MARCHF8: variants seen among roughly 807,000 people sequenced by gnomAD.
The protein encoded by MARCHF8 is E3 ubiquitin-protein ligase MARCHF8.
MARCHF8 carries 40 observed loss-of-function variants against 51.6 expected under a neutral mutation model. The observed-to-expected ratio is 0.77, with a 90% CI of 0.60 to 1.01. The LOEUF is 1.01. Ranked by LOEUF, MARCHF8 falls within the 50% of genes least tolerant of loss-of-function variation. The probability of loss-of-function intolerance (pLI) is 0.00; values close to 1 mark genes in which losing one functional copy is unlikely to be tolerated. For synonymous variants in MARCHF8, 263 were observed against 280.3 expected, an observed-to-expected ratio of 0.94 and a Z score of 0.62; for missense variants, 685 against 708.6, an observed-to-expected ratio of 0.97 and a Z score of 0.38.
intron 1 of MARCHF8, among the ~76,000 whole-genome samples, chr10:45,542,466 T>A (rs192750913): frequency 5.0e-4 from 75 of 151,512 alleles, no homozygotes; most frequent in Middle Eastern, 6.8e-3. Context: ...ATATTATATA[T>A]ACTTCAATGC....
intron 1 of MARCHF8, among the ~76,000 whole-genome samples, chr10:45,572,507 C>T (rs956456351): frequency 9.9e-5 from 15 of 152,206 alleles, no homozygotes; most frequent in East Asian, 1.9e-4. Flanking sequence ...AACTCGATAA[C>T]GGCTCTAAAT....
Position 45,463,211 on chromosome 10 carries a change from G to A in MARCHF8, c.1028C>T (p.Ser343Phe), listed in dbSNP as rs1304938097. The A allele has an allele frequency of 1.9e-6, 3 of 1,550,746 alleles. No homozygotes were observed. The highest frequency in any genetic ancestry group is 3.9e-5 in the Admixed American group (2 of 51,006). ...TEKDSDLDCP[S>F]PFSEKLPPIS... The stretch of plus-strand genomic sequence containing the variant: ...GGGGGGTAATTTTTCAGAGAAGGGA[G>A]AAGGACAATCCAGGTCGCTGTCCTT... The change falls in exon 5 of 8, where the codon TCT becomes TTT. Residue 343 changes from serine (S) to phenylalanine (F), a missense_variant. Coordinates refer to ENST00000453424, the MANE Select transcript of MARCHF8 (RefSeq NM_001282866.2).
chr10:45,536,364 G>A (rs896750867), upstream of MARCHF8, among the ~76,000 whole-genome samples: 2 of 151,742 alleles, frequency 1.3e-5, no homozygotes, highest in African/African-American at 4.8e-5. Flanking sequence ...AAAGAAATTT[G>A]GATCTCTTCC....
chr10:45,524,523 T>C (rs764155991), intron 2 of MARCHF8, among the ~76,000 whole-genome samples: 17 of 152,200 alleles, frequency 1.1e-4, no homozygotes, highest in Non-Finnish European at 1.8e-4. Flanking sequence ...GCCACGCAAA[T>C]GATCTCACAG....
upstream of MARCHF8, among the ~76,000 whole-genome samples, chr10:45,535,715 A>C (rs1589159135): frequency 6.6e-6 from 1 of 152,220 alleles, no homozygotes; most frequent in African/African-American, 2.4e-5. Context: ...CATATATTAC[A>C]TTATTTTCTT....
rs751755548 is a variant in MARCHF8 at position 45,461,354 on chromosome 10, T to G, written c.1146A>C (p.Thr382=). The change falls in exon 6 of 8, where the codon ACA becomes ACC. Residue 382 remains threonine (T), a synonymous_variant. Transcript: ENST00000453424. ...ESPLITPCHC[T]GSLHFVHQAC... ...CCTGGTGCACGAAGTGGAGGCTTCC[T>G]GTGCAGTGGCAGGGGGTGATCAGGG... 6.2e-7 allele frequency: 1 copy of G among 1,606,648 alleles called. No individual in the cohort carries two copies. Among genetic ancestry groups the G allele is most frequent in the Non-Finnish European group, 8.5e-7 (1 of 1,176,962 alleles).
intron 1 of MARCHF8, among the ~76,000 whole-genome samples, chr10:45,582,185 C>T (rs1422717487): frequency 6.6e-6 from 1 of 152,128 alleles, no homozygotes; most frequent in Non-Finnish European, 1.5e-5. Flanking sequence ...TGCCTATCTA[C>T]CTTGACCTCT....
intron 1 of MARCHF8, among the ~76,000 whole-genome samples, chr10:45,592,712 G>T (rs1312726059): frequency 6.6e-6 from 1 of 152,102 alleles, no homozygotes; most frequent in Non-Finnish European, 1.5e-5. Flanking sequence ...GGGTTTCTTG[G>T]CTGCTTGAAT....
intron 2 of MARCHF8, among the ~76,000 whole-genome samples, chr10:45,495,644 C>T (rs905570302): frequency 3.3e-5 from 5 of 151,806 alleles, no homozygotes; most frequent in African/African-American, 4.8e-5. Flanking sequence ...TACCATAATT[C>T]CCCTGTCTAG....
At chr10:45,518,927 G>T (rs1024235238) in intron 2 of MARCHF8, among the ~76,000 whole-genome samples, 5 of 152,108 alleles carry the variant, frequency 3.3e-5, no homozygotes, top group Non-Finnish European at 7.4e-5. Context: ...CACTGTACTT[G>T]TGAGAGGACC....
chr10:45,484,203 CCAAT>C (rs1236089520), intron 3 of MARCHF8, among the ~76,000 whole-genome samples: 1 of 152,054 alleles, frequency 6.6e-6, no homozygotes, highest in African/African-American at 2.4e-5. Flanking sequence ...AAAAAGAAAA[CCAAT>C]CAAATGTGAT....
intron 3 of MARCHF8, among the ~76,000 whole-genome samples, chr10:45,483,713 C>T (rs2042930138): frequency 6.6e-6 from 1 of 152,176 alleles, no homozygotes; most frequent in Admixed American, 6.5e-5. Flanking sequence ...CACATATACA[C>T]AATGAAATAC....
intron 1 of MARCHF8, among the ~76,000 whole-genome samples, chr10:45,567,258 G>T (rs113874558): frequency 6.6e-6 from 1 of 151,976 alleles, no homozygotes; most frequent in African/African-American, 2.4e-5. Flanking sequence ...TGTATCCTTC[G>T]CTGTGCAGAA....
chr10:45,496,461 G>A (rs1487554026), intron 2 of MARCHF8, among the ~76,000 whole-genome samples: 1 of 151,974 alleles, frequency 6.6e-6, no homozygotes, highest in African/African-American at 2.4e-5. Context: ...GATAAAGAGG[G>A]ACTTCTACTA....
intron 2 of MARCHF8, among the ~76,000 whole-genome samples, chr10:45,499,954 T>A (rs1423625383): frequency 6.6e-6 from 1 of 152,232 alleles, no homozygotes; most frequent in Non-Finnish European, 1.5e-5. Context: ...GACAGATTTA[T>A]CTATTTCTGT....
At chr10:45,501,530 A>G (rs1682708720) in intron 2 of MARCHF8, among the ~76,000 whole-genome samples, 1 of 152,142 alleles carries the variant, frequency 6.6e-6, no homozygotes, top group Admixed American at 6.5e-5. Flanking sequence ...TGTATAATCT[A>G]AAACCATAAA....
intron 6 of MARCHF8, chr10:45,459,809 T>A: frequency 1.0e-6 from 1 of 985,442 alleles, no homozygotes; most frequent in Non-Finnish European, 1.2e-6. Flanking sequence ...ACAAGCAGAC[T>A]CTGCTAGTCC....
chr10:45,468,506 C>A (rs1843045641), intron 3 of MARCHF8, among the ~76,000 whole-genome samples: 1 of 152,132 alleles, frequency 6.6e-6, no homozygotes, highest in Non-Finnish European at 1.5e-5. Flanking sequence ...GGTCTCAGGC[C>A]CCTAACAAAA....
At chr10:45,561,580 G>C (rs2044310841) in intron 1 of MARCHF8, among the ~76,000 whole-genome samples, 1 of 150,092 alleles carries the variant, frequency 6.7e-6, no homozygotes, top group Non-Finnish European at 1.5e-5. Context: ...AGCCGAAACA[G>C]ATTATTAAAT....
Sources: gnomAD v4.1 joint callset for allele counts (sites outside exome capture counted in the v4.1 genomes callset) on GRCh38, gnomAD v4.1.1 for gene constraint, MANE v1.5 for transcripts, NCBI Gene and HGNC (gene_info 2026-07-23, HGNC 2026-07-21) for gene names.